CCDC33: variants seen among roughly 807,000 people sequenced by gnomAD.
CCDC33 encodes coiled-coil domain-containing protein 33.
In CCDC33, 94 loss-of-function variants were observed where a neutral mutation model predicts 91.9. That is an observed-to-expected ratio of 1.02 (90% CI 0.87 to 1.21). The LOEUF (loss-of-function observed/expected upper bound fraction) is 1.21, where lower values mean the gene tolerates loss of function less well. Among genes scored for constraint, CCDC33 ranks in the 50% most tolerant of loss-of-function variants. CCDC33 has a pLI of 0.00. For synonymous variants in CCDC33, 396 were observed against 374.5 expected, an observed-to-expected ratio of 1.06 and a Z score of -0.66; for missense variants, 940 against 935.5, an observed-to-expected ratio of 1.00 and a Z score of -0.06.
rs764223852 is a variant in CCDC33, at chr15:74,280,840, A to G, written c.1023+39A>G. ...CCTGAACTGGGCCCCTAGCGTGCCCACCTGGCCCCACCCTGCCTCACCCTG... is the reference window on the plus strand; with the variant it reads ...CCTGAACTGGGCCCCTAGCGTGCCCGCCTGGCCCCACCCTGCCTCACCCTG... On this transcript the variant is annotated intron_variant, in intron 9 of 18. Transcript: ENST00000398814. 4.2e-6 allele frequency: 6 copies of G among 1,411,818 alleles called. No homozygotes were observed. The African/African-American group carries it at 8.9e-5, about 21-fold the overall frequency. The allele number at this position is 1,411,818 out of a possible 1,614,324, so 87.5% of individuals were successfully genotyped here. A position where few individuals can be genotyped will look rare whatever the true frequency, so the allele number is the denominator to read the frequency against.
intron 11 of CCDC33, among the ~76,000 whole-genome samples, chr15:74,304,878 C>T (rs1051963337): frequency 2.0e-5 from 3 of 152,170 alleles, no homozygotes; most frequent in East Asian, 1.9e-4. Flanking sequence ...CCAAGCTCCA[C>T]GCTTCTAGAA....
chr15:74,335,109 A>G (rs1047844356), intron 18 of CCDC33, 21 bp downstream of exon 18: 4 of 1,552,540 alleles, frequency 2.6e-6, no homozygotes, highest in African/African-American at 2.7e-5. Flanking sequence ...CCCCTGGAGT[A>G]GCTCCCAGGG....
Position 74,336,059 on chromosome 15 carries a change from A to G in CCDC33, c.*6A>G, listed in dbSNP as rs780626206. On this transcript the variant is annotated 3_prime_UTR_variant, in exon 19 of 19. Transcript: ENST00000398814. ...CTAACTCTCAGCAGACCTGAGCCCCAGAGCAGGCCTCCTTCCCTGTGTGCT... is the reference window on the plus strand; with the variant it reads ...CTAACTCTCAGCAGACCTGAGCCCCGGAGCAGGCCTCCTTCCCTGTGTGCT... The G allele has an allele frequency of 6.2e-7, 1 of 1,613,552 alleles. No individual in the cohort carries two copies. The highest frequency in any genetic ancestry group is 2.2e-5 in the East Asian group (1 of 44,876).
At chr15:74,238,798 A>T (rs752243351) in intron 1 of CCDC33, among the ~76,000 whole-genome samples, 2 of 152,180 alleles carry the variant, frequency 1.3e-5, no homozygotes, top group Non-Finnish European at 2.9e-5. Context: ...TGGAGCAGAG[A>T]AGGGATCCAC....
intron 2 of CCDC33, chr15:74,209,766 G>A (rs1287463869): frequency 1.3e-5 from 4 of 296,436 alleles, no homozygotes; most frequent in African/African-American, 6.5e-5. Context: ...ATGCAGACAA[G>A]ACTGGGGAAG....
chr15:74,207,941 C>T lies in CCDC33; in HGVS notation n.90-1447C>T, dbSNP rs370913975. 42 of 1,455,832 alleles carry T rather than the reference C, an allele frequency of 2.9e-5. No individual in the cohort carries two copies. The African/African-American group carries it at 3.5e-4, about 12-fold the overall frequency. The allele number at this position is 1,455,832 out of a possible 1,614,324, so 90.2% of individuals were successfully genotyped here. On this transcript the variant is annotated intron_variant and non_coding_transcript_variant, in intron 1 of 3. Coordinates refer to the CCDC33 transcript ENST00000558645. ...AGGAAGAGTATGGGTGACTCTCCAC[C>T]TCCTGTCTCTCTACCTCCTACCTCC...
chr15:74,274,842 G>C (rs748524528), intron 7 of CCDC33, among the ~76,000 whole-genome samples: 1 of 152,210 alleles, frequency 6.6e-6, no homozygotes, highest in African/African-American at 2.4e-5. Flanking sequence ...TGTGGGACCC[G>C]GTCCAGCAAT....
intron 7 of CCDC33, among the ~76,000 whole-genome samples, chr15:74,275,810 C>T (rs2076434510): frequency 6.6e-6 from 1 of 152,166 alleles, no homozygotes; most frequent in Non-Finnish European, 1.5e-5. Context: ...TCTGGGATTA[C>T]AGGCGAGCGC....
At chr15:74,286,440 G>A (rs1162285222) in intron 10 of CCDC33, among the ~76,000 whole-genome samples, 4 of 151,960 alleles carry the variant, frequency 2.6e-5, no homozygotes, top group African/African-American at 4.8e-5. Flanking sequence ...AACTGGTTTC[G>A]AGATCCCACA....
intron 11 of CCDC33, among the ~76,000 whole-genome samples, chr15:74,306,698 G>C (rs986517863): frequency 6.6e-6 from 1 of 152,224 alleles, no homozygotes; most frequent in Non-Finnish European, 1.5e-5. Flanking sequence ...TCTTAGCGGT[G>C]TGGAGGAAAG....
rs1476493868 is a variant in CCDC33, at chr15:74,316,679, G to A, written c.1291-13510G>A. 2.0e-5 allele frequency among the ~76,000 whole-genome samples: 3 copies of A among 152,204 alleles called. No homozygotes were observed. Among genetic ancestry groups the A allele is most frequent in the South Asian group, 2.1e-4 (1 of 4,802 alleles). ...CTGGTGCCATCCAGGGAGGATGGCC[G>A]ACTCCACCACGGGCCTCCCTTTCAT... is the stretch of plus-strand genomic sequence containing the variant. On this transcript the variant is annotated intron_variant, in intron 11 of 18. Transcript: ENST00000398814. This position sits in a 1 kb window ranked among gnomAD's most constrained non-coding sequence, Gnocchi z 4.7.
In CCDC33 at chr15:74,207,930, T is replaced by TTG. The variant is rs2074298936; in HGVS notation, n.90-1458_90-1457insTG. 2.7e-6 allele frequency: 4 copies of TTG among 1,466,274 alleles called. No homozygotes were observed. In the African/African-American group the frequency reaches 4.2e-5, roughly 15 times the overall value. 90.8% of individuals were successfully genotyped at this position (1,466,274 alleles called of 1,614,324 possible). ...GTGCTCACGGCAGGAAGAGTATGGG[T>TTG]GACTCTCCACCTCCTGTCTCTCTAC... On this transcript the variant is annotated intron_variant and non_coding_transcript_variant, in intron 1 of 3. Coordinates refer to the CCDC33 transcript ENST00000558645.
At chr15:74,204,936 A>G (rs2074225901) in intron 1 of CCDC33, among the ~76,000 whole-genome samples, 1 of 122,958 alleles carries the variant, frequency 8.1e-6, no homozygotes, top group Admixed American at 8.1e-5. Context: ...CTCCATCTCA[A>G]AAAAAAAGAA....
rs1464724964 is a variant in CCDC33 at position 74,279,981 on chromosome 15, C to G, written c.778C>G (p.Pro260Ala). 1 of 1,613,896 alleles carries G rather than the reference C, an allele frequency of 6.2e-7. No homozygotes were observed. The highest frequency in any genetic ancestry group is 1.3e-5 in the African/African-American group (1 of 74,932). ...CCTCCAGCTGTCCAAGCCTGGGGGACCCCCAGAGCAGCCCCTGTGGAATCA... is the reference window on the plus strand; with the variant it reads ...CCTCCAGCTGTCCAAGCCTGGGGGAGCCCCAGAGCAGCCCCTGTGGAATCA... ...GCPQLSKPGG[P>A]PEQPLWNQSF... The change falls in exon 8 of 19, where the codon CCC becomes GCC. Residue 260 changes from proline to alanine, a missense_variant. Physicochemically the swap from Pro to Ala is conservative, Grantham distance 27 (BLOSUM62 -1). Coordinates refer to ENST00000398814, the MANE Select transcript of CCDC33 (RefSeq NM_025055.5).
At chr15:74,250,783 T>G (rs899955767) in intron 2 of CCDC33, among the ~76,000 whole-genome samples, 11 of 152,246 alleles carry the variant, frequency 7.2e-5, no homozygotes, top group African/African-American at 2.2e-4. Flanking sequence ...CTGGCCCTGT[T>G]TCTAGCTTGC....
chr15:74,203,973 A>C (rs1230728781), intron 1 of CCDC33, among the ~76,000 whole-genome samples: 1 of 152,184 alleles, frequency 6.6e-6, no homozygotes. Flanking sequence ...CAGAGTAGAC[A>C]GGGCTTGAAA....
chr15:74,247,164 A>T (rs1414235252), intron 2 of CCDC33, among the ~76,000 whole-genome samples: 1 of 151,476 alleles, frequency 6.6e-6, no homozygotes, highest in East Asian at 1.9e-4. Flanking sequence ...AAAGTAAAAG[A>T]AAAAGAAAAG....
Position 74,331,239 on chromosome 15 carries a change from C to T in CCDC33, c.1714C>T (p.Leu572=). ...EKMERVLEDR[L]QDRSKPPPLN... ...GATGGAGCGGGTGCTGGAGGACAGG[C>T]TGCAGGACAGGAGCAAGCCCCCTCC... Residue 572 remains leucine, a synonymous_variant, in exon 15 of 19, where the codon CTG becomes TTG. Coordinates refer to ENST00000398814, the MANE Select transcript of CCDC33 (RefSeq NM_025055.5). 1 of 1,614,132 alleles carries T rather than the reference C, an allele frequency of 6.2e-7. No individual in the cohort carries two copies.
At chr15:74,280,166 A>G in intron 8 of CCDC33, 74 bp downstream of exon 8, 2 of 1,554,346 alleles carry the variant, frequency 1.3e-6, no homozygotes, top group Non-Finnish European at 1.8e-6. Context: ...TGTTCAGACC[A>G]TCCCACCTCT....
Sources: gnomAD v4.1 joint callset for allele counts (sites outside exome capture counted in the v4.1 genomes callset) on GRCh38, gnomAD v4.1.1 for gene constraint, Gnocchi (gnomAD v3.1) non-coding constraint, MANE v1.5 for transcripts, NCBI Gene and HGNC (gene_info 2026-07-23, HGNC 2026-07-21) for gene names.